Variants in DLEC1 observed in about 807,000 individuals in gnomAD.
DLEC1 encodes deleted in lung and esophageal cancer protein 1.
In DLEC1, 146 loss-of-function variants were observed where a neutral mutation model predicts 198.1. The observed-to-expected ratio is 0.74, with a 90% CI of 0.64 to 0.85. DLEC1 has a LOEUF of 0.85. Among genes scored for constraint, DLEC1 ranks in the 40% least tolerant of loss-of-function variants. DLEC1 has a pLI of 0.00. For missense variants in DLEC1, 2,233 were observed against 2,220.0 expected, an observed-to-expected ratio of 1.01 and a Z score of -0.12; for synonymous variants, 897 against 866.8, an observed-to-expected ratio of 1.03 and a Z score of -0.61.
rs1193499393 is a variant in DLEC1, at chr3:38,097,031, G to A, written c.2341-151G>A. On this transcript the variant is annotated intron_variant, in intron 15 of 36. Transcript: ENST00000308059. Reference sequence around the variant, plus strand: ...CAGTGTGGAGGGAGGGTGCTTTTGGGTTGGGAGGCCCATGGCTTTGGGTGG... The same window carrying A: ...CAGTGTGGAGGGAGGGTGCTTTTGGATTGGGAGGCCCATGGCTTTGGGTGG... 6.1e-6 allele frequency: 5 copies of A among 825,660 alleles called. No individual in the cohort carries two copies. The Admixed American group carries it at 1.1e-4, about 18-fold the overall frequency. The allele number at this position is 825,660 out of a possible 1,614,324, so 51.1% of individuals were successfully genotyped here. A position where few individuals can be genotyped will look rare whatever the true frequency, so the allele number is the denominator to read the frequency against.
At chr3:38,120,351 G>A (rs1472104012) in intron 33 of DLEC1, 97 bp from the exon 34 acceptor site, 8 of 1,452,888 alleles carry the variant, frequency 5.5e-6, no homozygotes, top group South Asian at 1.2e-5. Context: ...GGCTGGGCAA[G>A]GCTGGGCCTG....
intron 3 of DLEC1, among the ~76,000 whole-genome samples, chr3:38,061,444 T>C (rs1030938823): frequency 1.3e-5 from 2 of 151,852 alleles, no homozygotes; most frequent in African/African-American, 4.8e-5. Context: ...GCCTCCCAAA[T>C]TGCCAGGATT....
In DLEC1 at chr3:38,121,687, G is replaced by A. The variant is rs1439831031; in HGVS notation, c.4926G>A (p.Val1642=). ...AGCTGCAGCTCTCCACCAGCTGGGT[G>A]GACTTTGGGACCTGCTTTGTGAGCC... ...VPELQLSTSW[V]DFGTCFVSQQ... The change falls in exon 35 of 37, where the codon GTG becomes GTA. Residue 1642 remains valine, a synonymous_variant. Coordinates refer to ENST00000308059, the MANE Select transcript of DLEC1 (RefSeq NM_007335.4). 2.5e-6 allele frequency: 4 copies of A among 1,614,104 alleles called. No individual in the cohort carries two copies. The highest frequency in any genetic ancestry group is 1.7e-4 in the Middle Eastern group (1 of 6,060).
chr3:38,109,644 G>GTA, intron 22 of DLEC1, 82 bp downstream of exon 22: 1 of 1,597,382 alleles, frequency 6.3e-7, no homozygotes, highest in South Asian at 1.1e-5. Context: ...CGGCACTGTG[G>GTA]TATCAGTCTG....
At chr3:38,050,182 C>T (rs1559394297) in intron 2 of DLEC1, among the ~76,000 whole-genome samples, 3 of 152,168 alleles carry the variant, frequency 2.0e-5, no homozygotes, top group Non-Finnish European at 2.9e-5. Flanking sequence ...AATCCTCCCA[C>T]CTCAGCCTCC....
rs769073961 is a variant in DLEC1, at chr3:38,117,192, G to C, written c.4306-16G>C. ...TCAGCCCAGGGATCAGCTGTGATCAGACTTGGGCTCAGTAGGTGGAAAGGG... is the reference window on the plus strand; with the variant it reads ...TCAGCCCAGGGATCAGCTGTGATCACACTTGGGCTCAGTAGGTGGAAAGGG... On this transcript the variant is annotated splice_polypyrimidine_tract_variant and intron_variant, in intron 30 of 36. Coordinates refer to ENST00000308059, the MANE Select transcript of DLEC1 (RefSeq NM_007335.4). The C allele has an allele frequency of 1.2e-6, 2 of 1,614,172 alleles. No homozygotes were observed. The highest frequency in any genetic ancestry group is 1.7e-6 in the Non-Finnish European group (2 of 1,180,004).
rs1271053107 is a variant in DLEC1 at position 38,117,549 on chromosome 3, G to T, written c.4423G>T (p.Gly1475Cys). Residue 1475 changes from glycine to cysteine, a missense_variant, in exon 32 of 37, where the codon GGC becomes TGC. Transcript: ENST00000308059. The part of the protein sequence containing the change: ...PAQLSVELDY[G>C]GSMEFQCQAS... ...CAGGCTAAGTGTGGAGCTGGACTAC[G>T]GCGGCAGTATGGAATTCCAGTGCCA... is the stretch of plus-strand genomic sequence containing the variant. 5 of 1,614,150 alleles carry T rather than the reference G, an allele frequency of 3.1e-6. No individual in the cohort carries two copies. The East Asian group carries it at 8.9e-5, about 29-fold the overall frequency.
rs746901513 is a variant in DLEC1, at chr3:38,054,197, TAA to T, written c.563-5535_563-5534del. On this transcript the variant is annotated intron_variant, in intron 2 of 36. Coordinates refer to ENST00000308059, the MANE Select transcript of DLEC1 (RefSeq NM_007335.4). ...ACACCCAAGAATGATCAATAAATAC[TAA>T]AAAAAAAAACAAAACAAAAAAACAA... Among the ~76,000 whole-genome samples the T allele has an allele frequency of 1.7e-4, 25 of 145,512 alleles. 1 individual carries two copies. The highest frequency in any genetic ancestry group is 2.5e-5 in the African/African-American group (1 of 39,582).
At chr3:38,084,271 T>G (rs759426517) in intron 7 of DLEC1, 26 bp downstream of exon 7, 1 of 1,593,028 alleles carries the variant, frequency 6.3e-7, no homozygotes, top group Non-Finnish European at 8.6e-7. Flanking sequence ...GTAAGTTCAT[T>G]AGTAGTAGTG....
At chr3:38,063,807 A>T in intron 5 of DLEC1, 34 bp from the exon 6 acceptor site, 1 of 1,523,452 alleles carries the variant, frequency 6.6e-7, no homozygotes, top group South Asian at 1.1e-5. Context: ...GATGAAACTA[A>T]CAGCCTTTCT....
At chr3:38,118,374 C>G (rs1446115104) in intron 33 of DLEC1, among the ~76,000 whole-genome samples, 1 of 152,226 alleles carries the variant, frequency 6.6e-6, no homozygotes, top group Non-Finnish European at 1.5e-5. Flanking sequence ...CCCACACACA[C>G]AGACTCCGTC....
At chr3:38,051,046 C>T (rs1182207231) in intron 2 of DLEC1, among the ~76,000 whole-genome samples, 5 of 151,890 alleles carry the variant, frequency 3.3e-5, no homozygotes, top group East Asian at 3.9e-4. Flanking sequence ...GAACCACAGA[C>T]GGGCACCACC....
chr3:38,095,017 G>A lies in DLEC1; in HGVS notation c.2058G>A (p.Gly686=), dbSNP rs35870055. 1.9e-6 allele frequency: 3 copies of A among 1,614,084 alleles called. No homozygotes were observed. The African/African-American group carries it at 4.0e-5, about 22-fold the overall frequency. ...ETAFSIMPRK[G]VLSPHTDHEF... ...CCTTCTCCATCATGCCCAGAAAGGG[G>A]GTTCTAAGCCCCCACACAGACCACG... The change falls in exon 13 of 37, where the codon GGG becomes GGA. Residue 686 remains glycine, a synonymous_variant. Coordinates refer to ENST00000308059, the MANE Select transcript of DLEC1 (RefSeq NM_007335.4).
rs753122271 is a variant in DLEC1 at position 38,086,290 on chromosome 3, G to A, written c.1485G>A (p.Met495Ile). 3 of 1,612,912 alleles carry A rather than the reference G, an allele frequency of 1.9e-6. No homozygotes were observed. The highest frequency in any genetic ancestry group is 8.5e-7 in the Non-Finnish European group (1 of 1,179,370). ...CGYCLIGGVK[M>I]TRFICKNVGF... ...ACTGCCTCATTGGGGGAGTCAAGAT[G>A]ACCAGATTCATCTGCAAAAATGTGG... The change falls in exon 9 of 37, where the codon ATG becomes ATA. Residue 495 changes from methionine (M) to isoleucine (I), a missense_variant. Met to Ile is a conservative substitution (Grantham distance 10). Transcript: ENST00000308059.
intron 28 of DLEC1, 44 bp from the exon 29 acceptor site, chr3:38,116,729 G>A (rs776303323): frequency 6.2e-7 from 1 of 1,608,214 alleles, no homozygotes; most frequent in Non-Finnish European, 8.5e-7. Context: ...TAGGCTAGTT[G>A]AACCTCAGTG....
intron 33 of DLEC1, among the ~76,000 whole-genome samples, chr3:38,119,530 G>A (rs1184610408): frequency 5.3e-5 from 8 of 151,978 alleles, no homozygotes; most frequent in Admixed American, 3.3e-4. Context: ...TTCTAAGCCT[G>A]GCAATAGATC....
chr3:38,093,522 T>G, intron 11 of DLEC1, 83 bp from the exon 12 acceptor site: 1 of 1,524,074 alleles, frequency 6.6e-7, no homozygotes, highest in Non-Finnish European at 9.0e-7. Flanking sequence ...TGCATGTGGA[T>G]GGCGGCATGG....
intron 22 of DLEC1, chr3:38,109,793 G>A: frequency 1.3e-6 from 1 of 799,850 alleles, no homozygotes; most frequent in South Asian, 1.9e-5. Flanking sequence ...GTGGTGCCCT[G>A]GCAGGCAGGA....
At position 38,114,362 on chromosome 3, in the gene DLEC1, A is replaced by T; in HGVS notation, c.3687A>T (p.Glu1229Asp). The change falls in exon 26 of 37, where the codon GAA becomes GAT. Residue 1229 changes from glutamate (E) to aspartate (D), a missense_variant. Glu to Asp is a conservative substitution (Grantham distance 45). Coordinates refer to ENST00000308059, the MANE Select transcript of DLEC1 (RefSeq NM_007335.4). ...LICTVGDLLP[E>D]VIPVHMAAVG... ...TGCAGGTGGGAGACCTGCTGCCGGA[A>T]GTCATCCCAGTGCACATGGCAGCGG... The T allele has an allele frequency of 3.7e-6, 6 of 1,614,140 alleles. No individual in the cohort carries two copies. The highest frequency in any genetic ancestry group is 5.1e-6 in the Non-Finnish European group (6 of 1,179,990).
Sources: gnomAD v4.1 joint callset for allele counts (sites outside exome capture counted in the v4.1 genomes callset) on GRCh38, gnomAD v4.1.1 for gene constraint, MANE v1.5 for transcripts, NCBI Gene and HGNC (gene_info 2026-07-23, HGNC 2026-07-21) for gene names.